Variants in BABAM2 observed in about 807,000 individuals in gnomAD.
The protein encoded by BABAM2 is BRISC and BRCA1 A complex member 2.
Under a neutral mutation model 54.7 loss-of-function variants are expected in BABAM2, and 31 were observed. That is an observed-to-expected ratio of 0.57 (90% confidence interval 0.43 to 0.77). The LOEUF (loss-of-function observed/expected upper bound fraction) is 0.77. Ranked by LOEUF, BABAM2 falls within the 30% of genes least tolerant of loss-of-function variation. The pLI is 0.00. For missense variants in BABAM2, 364 were observed against 455.8 expected, an observed-to-expected ratio of 0.80 and a Z score of 1.83; for synonymous variants, 167 against 162.9, an observed-to-expected ratio of 1.03 and a Z score of -0.19.
chr2:28,023,045 G>A (rs962022499), intron 4 of BABAM2, among the ~76,000 whole-genome samples: 1 of 152,148 alleles, frequency 6.6e-6, no homozygotes, highest in Non-Finnish European at 1.5e-5. Flanking sequence ...CCTTGATTGG[G>A]AGTGTTTTCC....
intron 10 of BABAM2, among the ~76,000 whole-genome samples, chr2:28,277,106 C>T (rs1685942214): frequency 6.6e-6 from 1 of 152,016 alleles, no homozygotes; most frequent in Non-Finnish European, 1.5e-5. Context: ...GTAACCTGTC[C>T]ATTTATTCAT....
At chr2:28,160,020 C>CA (rs1573714295) in intron 7 of BABAM2, among the ~76,000 whole-genome samples, 1 of 152,230 alleles carries the variant, frequency 6.6e-6, no homozygotes, top group East Asian at 1.9e-4. Context: ...CTAATTCTGT[C>CA]ACCCAGGCTA....
At chr2:28,222,113 T>G (rs1426181215) in intron 7 of BABAM2, among the ~76,000 whole-genome samples, 1 of 152,212 alleles carries the variant, frequency 6.6e-6, no homozygotes. Context: ...CATATTCTCA[T>G]GCTCAGCACT....
chr2:28,118,851 G>T (rs974565116), intron 6 of BABAM2, among the ~76,000 whole-genome samples: 3 of 152,090 alleles, frequency 2.0e-5, no homozygotes, highest in Non-Finnish European at 2.9e-5. Context: ...GGTTTTTATG[G>T]TTTTGGGTTT....
At chr2:28,061,531 G>A (rs1678866962) in intron 6 of BABAM2, among the ~76,000 whole-genome samples, 1 of 147,382 alleles carries the variant, frequency 6.8e-6, no homozygotes, top group African/African-American at 2.5e-5. Context: ...CTTGCACTGA[G>A]CTGAGATTGT....
intron 10 of BABAM2, among the ~76,000 whole-genome samples, 199 bp downstream of exon 10, chr2:28,245,061 A>G (rs996978514): frequency 6.6e-6 from 1 of 152,046 alleles, no homozygotes; most frequent in Non-Finnish European, 1.5e-5. Flanking sequence ...TTTGCACCTC[A>G]GGGGACGTTT....
chr2:27,935,695 CT>C (rs1201239236), intron 3 of BABAM2, among the ~76,000 whole-genome samples: 1 of 152,094 alleles, frequency 6.6e-6, no homozygotes, highest in Non-Finnish European at 1.5e-5. Context: ...GAAATTTTTC[CT>C]GAAGGGAAAA....
chr2:28,314,841 G>A (rs1399337849), intron 11 of BABAM2, among the ~76,000 whole-genome samples: 1 of 151,954 alleles, frequency 6.6e-6, no homozygotes, highest in African/African-American at 2.4e-5. Flanking sequence ...GTGCAGAGAG[G>A]GGAGGACACT....
chr2:28,204,407 C>T (rs888079210), intron 7 of BABAM2, among the ~76,000 whole-genome samples: 5 of 152,152 alleles, frequency 3.3e-5, no homozygotes, highest in African/African-American at 1.2e-4. Context: ...AGCATTGTTG[C>T]AGAGTGAATT....
Position 28,207,488 on chromosome 2 carries a change from G to T in BABAM2, c.681-29714G>T, listed in dbSNP as rs545193377. Reference sequence around the variant, plus strand: ...AGGTGGGAAAATCACCTGAGCCCAGGGATTCTTGATTGCACCACTGCACAC... The same window carrying T: ...AGGTGGGAAAATCACCTGAGCCCAGTGATTCTTGATTGCACCACTGCACAC... On this transcript the variant is annotated intron_variant, in intron 7 of 11. Transcript: ENST00000379624. Among the ~76,000 whole-genome samples, 697 of 152,030 alleles carry T rather than the reference G, an allele frequency of 4.6e-3. 3 individuals carry two copies. The highest frequency in any genetic ancestry group is 0.016 in the African/African-American group (675 of 41,426).
At chr2:28,007,238 C>G (rs1674043672) in intron 4 of BABAM2, among the ~76,000 whole-genome samples, 1 of 152,012 alleles carries the variant, frequency 6.6e-6, no homozygotes, top group South Asian at 2.1e-4. Flanking sequence ...ACAGGAACTA[C>G]TATGGATGCA....
At chr2:28,241,485 G>T in intron 9 of BABAM2, 92 bp downstream of exon 9, 1 of 1,187,936 alleles carries the variant, frequency 8.4e-7, no homozygotes, top group South Asian at 1.3e-5. Flanking sequence ...ATAGCACTTA[G>T]TTCTTACACA....
At chr2:28,134,136 A>C (rs1670329429) in intron 7 of BABAM2, among the ~76,000 whole-genome samples, 1 of 151,688 alleles carries the variant, frequency 6.6e-6, no homozygotes. Context: ...AACCAAAACC[A>C]ATCCGTTGAA....
intron 2 of BABAM2, among the ~76,000 whole-genome samples, chr2:27,898,690 A>G (rs1482657087): frequency 6.6e-6 from 1 of 152,206 alleles, no homozygotes; most frequent in Non-Finnish European, 1.5e-5. Context: ...CTCATTACAA[A>G]AGGTCACATA....
chr2:27,902,538 C>T (rs1371205909), intron 2 of BABAM2, among the ~76,000 whole-genome samples: 2 of 152,162 alleles, frequency 1.3e-5, no homozygotes, highest in Non-Finnish European at 2.9e-5. Flanking sequence ...TGTAGCCTCA[C>T]CAGTACTTGA....
At chr2:28,152,325 C>A (rs1573695716) in intron 7 of BABAM2, among the ~76,000 whole-genome samples, 2 of 152,322 alleles carry the variant, frequency 1.3e-5, no homozygotes, top group East Asian at 1.9e-4. Flanking sequence ...CACTGCTATC[C>A]TCTGGCAGCT....
intron 11 of BABAM2, among the ~76,000 whole-genome samples, chr2:28,332,207 C>T (rs148416846): frequency 1.8e-4 from 28 of 152,234 alleles, no homozygotes; most frequent in Admixed American, 5.2e-4. Flanking sequence ...GGGCTTAATA[C>T]GTAGGCGCTG....
intron 7 of BABAM2, among the ~76,000 whole-genome samples, chr2:28,182,308 T>C (rs537413468): frequency 3.9e-5 from 6 of 152,250 alleles, no homozygotes; most frequent in Non-Finnish European, 7.4e-5. Flanking sequence ...CAAGAAGATA[T>C]TACAGGGTCT....
intron 4 of BABAM2, chr2:28,016,256 T>G (rs1674806502): frequency 1.1e-6 from 1 of 906,156 alleles, no homozygotes; most frequent in African/African-American, 1.6e-5. Context: ...TTTCCCCCTG[T>G]GTTTTTCTAG....
Sources: allele counts gnomAD v4.1 joint callset (sites outside exome capture counted in the v4.1 genomes callset), GRCh38; gene constraint gnomAD v4.1.1; transcripts MANE v1.5; gene names NCBI Gene and HGNC (gene_info 2026-07-23, HGNC 2026-07-21).